Variants in C1QTNF3 observed in about 807,000 individuals in gnomAD.
C1QTNF3 encodes complement C1q tumor necrosis factor-related protein 3.
C1QTNF3 carries 26 observed loss-of-function variants against 32.6 expected under a neutral mutation model. The observed-to-expected ratio is 0.80, with a 90% CI of 0.58 to 1.11. C1QTNF3 has a LOEUF of 1.11. Ranked by LOEUF, C1QTNF3 falls within the 50% of genes least tolerant of loss-of-function variation. C1QTNF3 has a pLI of 0.00. For missense variants in C1QTNF3, 362 were observed against 398.2 expected (o/e 0.91, Z 0.77); for synonymous variants, 155 against 146.0 (o/e 1.06, Z -0.44).
chr5:34,053,409 G>A, the C1QTNF3 span, among the ~76,000 whole-genome samples: 2 of 152,196 alleles, frequency 1.3e-5, no homozygotes, highest in South Asian at 4.1e-4. Flanking sequence ...GGAGTCCACC[G>A]AACCATGTCC....
At chr5:34,036,569 T>C (rs1226081830) in intron 1 of C1QTNF3, among the ~76,000 whole-genome samples, 1 of 152,172 alleles carries the variant, frequency 6.6e-6, no homozygotes, top group Non-Finnish European at 1.5e-5. Context: ...TACATTTTTA[T>C]TAATTATCTA....
At chr5:34,196,064 C>T in the C1QTNF3 span, among the ~76,000 whole-genome samples, 28 of 152,388 alleles carry the variant, frequency 1.8e-4, no homozygotes, top group African/African-American at 6.3e-4. Flanking sequence ...AGCAGGCCCT[C>T]TTTAAGAAAC....
At chr5:34,053,309 G>A in the C1QTNF3 span, among the ~76,000 whole-genome samples, 1 of 152,204 alleles carries the variant, frequency 6.6e-6, no homozygotes, top group Non-Finnish European at 1.5e-5. Flanking sequence ...CACAAAGGGA[G>A]CAGATCTGGG....
chr5:34,218,026 T>C, the C1QTNF3 span, among the ~76,000 whole-genome samples: 3 of 150,056 alleles, frequency 2.0e-5, no homozygotes, highest in African/African-American at 7.4e-5. Context: ...ACAGTTATGA[T>C]AGCCTATGAC....
rs1310768260 is a variant in C1QTNF3 at position 34,043,131 on chromosome 5, T to G, written c.-6A>C. 1.2e-6 allele frequency: 2 copies of G among 1,608,644 alleles called. No individual in the cohort carries two copies. Among genetic ancestry groups the G allele is most frequent in the Non-Finnish European group, 8.5e-7 (1 of 1,178,284 alleles). On this transcript the variant is annotated 5_prime_UTR_variant, in exon 1 of 6. Transcript: ENST00000382065. ...ATGAGCTGCCTCCAAAGCATGATTCTCAACAGAGCCTCAGAGTCTCCCTGA... is the reference window on the plus strand; with the variant it reads ...ATGAGCTGCCTCCAAAGCATGATTCGCAACAGAGCCTCAGAGTCTCCCTGA...
At chr5:34,218,427 A>T in the C1QTNF3 span, 1 of 151,116 alleles carries the variant, frequency 6.6e-6, no homozygotes, top group Admixed American at 6.6e-5. Flanking sequence ...CATTGTGTGG[A>T]GTGCAGGCCA....
the C1QTNF3 span, among the ~76,000 whole-genome samples, chr5:34,215,237 T>A: frequency 6.6e-6 from 1 of 152,146 alleles, no homozygotes; most frequent in South Asian, 2.1e-4. Context: ...AATTTAAGCA[T>A]ACATACATAT....
the C1QTNF3 span, among the ~76,000 whole-genome samples, chr5:34,113,990 C>A: frequency 3.9e-5 from 6 of 152,230 alleles, no homozygotes; most frequent in East Asian, 7.7e-4. Flanking sequence ...TTAGGCTTTG[C>A]GATCTTCAAT....
chr5:34,235,477 T>C, the C1QTNF3 span, among the ~76,000 whole-genome samples: 1 of 151,196 alleles, frequency 6.6e-6, no homozygotes, highest in South Asian at 2.1e-4. Flanking sequence ...AAAATGTCAA[T>C]AATGCTAAGG....
At chr5:34,144,691 A>G in the C1QTNF3 span, among the ~76,000 whole-genome samples, 1 of 152,250 alleles carries the variant, frequency 6.6e-6, no homozygotes, top group Non-Finnish European at 1.5e-5. Context: ...TCTTCAGAGA[A>G]CATCAAAATT....
the C1QTNF3 span, among the ~76,000 whole-genome samples, chr5:34,195,430 G>C: frequency 7.0e-6 from 1 of 142,190 alleles, no homozygotes; most frequent in East Asian, 2.1e-4. Context: ...TATTGATACT[G>C]TTAAATATTT....
the C1QTNF3 span, among the ~76,000 whole-genome samples, chr5:34,196,019 G>T: frequency 6.6e-6 from 1 of 152,292 alleles, no homozygotes; most frequent in Non-Finnish European, 1.5e-5. Flanking sequence ...ACCATGTGAG[G>T]ATACTGAGAG....
chr5:34,129,012 G>T, the C1QTNF3 span, among the ~76,000 whole-genome samples: 2 of 152,184 alleles, frequency 1.3e-5, no homozygotes, highest in East Asian at 3.9e-4. Flanking sequence ...TAACATGTTG[G>T]GGGAGGGGCC....
At chr5:34,228,272 GA>G in the C1QTNF3 span, among the ~76,000 whole-genome samples, 1 of 151,452 alleles carries the variant, frequency 6.6e-6, no homozygotes, top group African/African-American at 2.4e-5. Context: ...TCTGATTCTA[GA>G]AATCTACACT....
In C1QTNF3 at chr5:34,042,968, C is replaced by T. The variant is rs1380002588; in HGVS notation, c.158G>A (p.Arg53Lys). 2 of 1,614,096 alleles carry T rather than the reference C, an allele frequency of 1.2e-6. No homozygotes were observed. Among genetic ancestry groups the T allele is most frequent in the African/African-American group, 2.7e-5 (2 of 74,934 alleles). ...SHQQTGRSGSRREKVRERSHP... is the reference protein window; with the variant it reads ...SHQQTGRSGSKREKVRERSHP... ...GCTCCGCTCTCTCACTTTCTCCCTC[C>T]TGGAGCCGCTACGGCCAGTCTGCTG... The change falls in exon 1 of 6, where the codon AGG (arginine) becomes AAG (lysine). Residue 53 changes from arginine (R) to lysine (K), a missense_variant. Transcript: ENST00000382065.
the C1QTNF3 span, chr5:34,124,454 G>A: frequency 2.8e-6 from 2 of 716,560 alleles, no homozygotes; most frequent in Admixed American, 2.0e-5. Flanking sequence ...TCTTAGTCAT[G>A]GCAGAAAGTG....
chr5:34,039,756 T>C (rs1754822509), intron 1 of C1QTNF3, among the ~76,000 whole-genome samples: 1 of 152,236 alleles, frequency 6.6e-6, no homozygotes, highest in African/African-American at 2.4e-5. Context: ...TTTCCAGCTC[T>C]ACAATGCAAA....
the C1QTNF3 span, chr5:34,190,440 G>C: frequency 4.2e-6 from 3 of 715,660 alleles, no homozygotes; most frequent in East Asian, 8.1e-5. Flanking sequence ...CGGGGCTAAA[G>C]CAGAGGAGGG....
At chr5:34,233,880 T>C in the C1QTNF3 span, among the ~76,000 whole-genome samples, 47 of 152,174 alleles carry the variant, frequency 3.1e-4, no homozygotes, top group African/African-American at 1.1e-3. Flanking sequence ...TTTATTGAGC[T>C]AAACAAATAT....
Sources: gnomAD v4.1 joint callset for allele counts (sites outside exome capture counted in the v4.1 genomes callset) on GRCh38, gnomAD v4.1.1 for gene constraint, MANE v1.5 for transcripts, NCBI Gene and HGNC (gene_info 2026-07-23, HGNC 2026-07-21) for gene names.